The following CHL1 variants were observed in gnomAD, a reference collection of about 807,000 sequenced individuals.
CHL1 encodes the protein cell adhesion molecule L1 like.
A neutral mutation model predicts 141.9 loss-of-function variants in CHL1; 96 were observed. The observed-to-expected ratio is 0.68, with a 90% confidence interval of 0.57 to 0.80. The LOEUF (loss-of-function observed/expected upper bound fraction) is 0.80. Among genes scored for constraint, CHL1 ranks in the 30% least tolerant of loss-of-function variants. The pLI is 0.00. For missense variants in CHL1, 1,820 were observed against 1,457.2 expected, an observed-to-expected ratio of 1.25 and a Z score of -4.05; for synonymous variants, 613 against 502.2, an observed-to-expected ratio of 1.22 and a Z score of -2.95.
chr3:318,996 G>A (rs1700346967), intron 2 of CHL1, among the ~76,000 whole-genome samples: 1 of 151,564 alleles, frequency 6.6e-6, no homozygotes, highest in Admixed American at 6.6e-5. Context: ...GAACAAAATT[G>A]TGTCCTTGCA....
In CHL1 at chr3:355,290, T is replaced by C. The variant is rs1575147254; in HGVS notation, c.1165+519T>C. Among the ~76,000 whole-genome samples the C allele has an allele frequency of 7.2e-5, 11 of 152,236 alleles. No individual in the cohort carries two copies. The South Asian group carries it at 2.1e-3, about 29-fold the overall frequency. On this transcript the variant is annotated intron_variant, in intron 11 of 27. Transcript: ENST00000256509. ...GGAGGCATCCCAAGTCTGAACATGG[T>C]CCCATTACTGCCTATTTGCTACCAA...
At chr3:372,072 T>C (rs542051959) in intron 15 of CHL1, among the ~76,000 whole-genome samples, 1 of 152,248 alleles carries the variant, frequency 6.6e-6, no homozygotes, top group African/African-American at 2.4e-5. Context: ...GAGAATCTGA[T>C]GATTATGTGT....
chr3:290,490 A>G lies in CHL1; in HGVS notation c.-94-29193A>G, dbSNP rs572755554. Among the ~76,000 whole-genome samples, 5 of 152,330 alleles carry G rather than the reference A, an allele frequency of 3.3e-5. No homozygotes were observed. The South Asian group carries it at 1.0e-3, about 32-fold the overall frequency. Reference sequence around the variant, plus strand: ...AGCTCCTTTTAGTCATCAGAAGCCAATGAAAGACCTGGGTTTAGTATTTTC... The same window carrying G: ...AGCTCCTTTTAGTCATCAGAAGCCAGTGAAAGACCTGGGTTTAGTATTTTC... On this transcript the variant is annotated intron_variant, in intron 2 of 27. Transcript: ENST00000256509.
intron 2 of CHL1, among the ~76,000 whole-genome samples, chr3:265,040 T>G (rs1008472878): frequency 1.3e-5 from 2 of 152,238 alleles, no homozygotes; most frequent in African/African-American, 2.4e-5. Context: ...GCACTACTAC[T>G]CCCACACTAC....
intron 2 of CHL1, among the ~76,000 whole-genome samples, chr3:260,810 A>C (rs1474776068): frequency 1.3e-5 from 2 of 152,242 alleles, no homozygotes; most frequent in East Asian, 1.9e-4. Context: ...GGAGGAGAGC[A>C]ATAAGAAACA....
Position 398,256 on chromosome 3 carries a change from A to AAT in CHL1, c.3125_3126dup (p.Leu1043IlefsTer9). On this transcript the variant is annotated frameshift_variant, in exon 25 of 28. Transcript: ENST00000256509. LOFTEE classifies it high-confidence loss of function. ...AGGTATCGGGAAGATATCAGGAGTA[A>AAT]ATCTTACTCAAAAGACTCACCCAAT... The AAT allele has an allele frequency of 6.2e-7, 1 of 1,605,384 alleles. No individual in the cohort carries two copies. The highest frequency in any genetic ancestry group is 8.5e-7 in the Non-Finnish European group (1 of 1,173,082).
At chr3:380,922 G>C (rs1396366495) in intron 16 of CHL1, among the ~76,000 whole-genome samples, 1 of 152,132 alleles carries the variant, frequency 6.6e-6, no homozygotes, top group African/African-American at 2.4e-5. Context: ...AATAAAATAT[G>C]ACCCCTATTC....
chr3:318,516 C>T (rs1347066614), intron 2 of CHL1, among the ~76,000 whole-genome samples: 3 of 151,530 alleles, frequency 2.0e-5, no homozygotes, highest in African/African-American at 7.3e-5. Flanking sequence ...GTTTAGACAT[C>T]TATTAACACA....
intron 1 of CHL1, among the ~76,000 whole-genome samples, chr3:220,335 G>A (rs1700720624): frequency 6.6e-6 from 1 of 152,134 alleles, no homozygotes. Flanking sequence ...CAGGAGTGGT[G>A]GTATGCACCT....
intron 2 of CHL1, among the ~76,000 whole-genome samples, chr3:317,340 C>T (rs1202331060): frequency 1.3e-5 from 2 of 151,834 alleles, no homozygotes; most frequent in East Asian, 1.9e-4. Context: ...GAACTTACTG[C>T]CCTAAGTCAA....
At chr3:302,389 A>G (rs770164867) in intron 2 of CHL1, among the ~76,000 whole-genome samples, 11 of 152,150 alleles carry the variant, frequency 7.2e-5, no homozygotes, top group Non-Finnish European at 1.5e-4. Flanking sequence ...CTATTTTTCC[A>G]CAAACTCTCC....
At chr3:294,862 A>T (rs1559213295) in intron 2 of CHL1, among the ~76,000 whole-genome samples, 1 of 152,216 alleles carries the variant, frequency 6.6e-6, no homozygotes, top group African/African-American at 2.4e-5. Context: ...GCATAGTTAC[A>T]TGTCATTAAT....
At chr3:268,376 A>G (rs1411582382) in intron 2 of CHL1, among the ~76,000 whole-genome samples, 1 of 151,992 alleles carries the variant, frequency 6.6e-6, no homozygotes, top group African/African-American at 2.4e-5. Flanking sequence ...TCTACTAAAA[A>G]ATACAAAAAT....
intron 10 of CHL1, 66 bp downstream of exon 10, chr3:349,609 C>T: frequency 3.0e-6 from 4 of 1,345,066 alleles, no homozygotes; most frequent in Non-Finnish European, 4.1e-6. Context: ...TGTAGTAGGC[C>T]TTGCTTCTAA....
At chr3:317,283 T>A (rs1700216234) in intron 2 of CHL1, among the ~76,000 whole-genome samples, 1 of 151,956 alleles carries the variant, frequency 6.6e-6, no homozygotes, top group South Asian at 2.1e-4. Flanking sequence ...TCACCATTAC[T>A]GAATAATTAG....
chr3:278,029 G>A (rs1381562395), intron 2 of CHL1, among the ~76,000 whole-genome samples: 1 of 152,196 alleles, frequency 6.6e-6, no homozygotes, highest in African/African-American at 2.4e-5. Flanking sequence ...TTGTGCATGT[G>A]AGCTGGAAGG....
At chr3:385,474 C>T (rs1339743346) in intron 19 of CHL1, among the ~76,000 whole-genome samples, 2 of 152,108 alleles carry the variant, frequency 1.3e-5, no homozygotes, top group East Asian at 1.9e-4. Context: ...TTTTTTATTA[C>T]CCCAAAGATA....
intron 2 of CHL1, among the ~76,000 whole-genome samples, chr3:316,019 G>T (rs932180724): frequency 1.3e-5 from 2 of 151,968 alleles, no homozygotes; most frequent in African/African-American, 4.8e-5. Context: ...CCACAGATTG[G>T]TTCGATCAGG....
chr3:363,837 T>A (rs1704541137), intron 14 of CHL1: 1 of 154,232 alleles, frequency 6.5e-6, no homozygotes, highest in Admixed American at 6.4e-5. Context: ...TTTGTATTAT[T>A]CCTTCTCACT....
Sources: allele counts gnomAD v4.1 joint callset (sites outside exome capture counted in the v4.1 genomes callset), GRCh38; gene constraint gnomAD v4.1.1; transcripts MANE v1.5; gene names NCBI Gene and HGNC (gene_info 2026-07-23, HGNC 2026-07-21).